Variants in ITIH1 observed in about 807,000 individuals in gnomAD.
The protein encoded by ITIH1 is inter-alpha-trypsin inhibitor heavy chain H1.
Under a neutral mutation model 104.6 loss-of-function variants are expected in ITIH1, and 94 were observed. That is an observed-to-expected ratio of 0.90 (90% confidence interval 0.76 to 1.07). ITIH1 has a LOEUF of 1.07. ITIH1 is among the 50% of genes least tolerant of loss of function. The probability of loss-of-function intolerance (pLI) is 0.00; values close to 1 mark genes in which losing one functional copy is unlikely to be tolerated. For synonymous variants in ITIH1, 455 were observed against 464.4 expected (o/e 0.98, Z 0.26); for missense variants, 1,193 against 1,181.4 (o/e 1.01, Z -0.14).
rs1197705365 is a variant in ITIH1, at chr3:52,779,122, G to C, written c.410+76G>C. 3 of 1,072,978 alleles carry C rather than the reference G, an allele frequency of 2.8e-6. No homozygotes were observed. The African/African-American group carries it at 4.6e-5, about 17-fold the overall frequency. 66.5% of individuals were successfully genotyped at this position (1,072,978 alleles called of 1,614,324 possible). Reference sequence around the variant, plus strand: ...GGACAGGTCTGATGGCTGCAAGGTGGCTTTAGTGGAGAACAGCCCAGGATG... The same window carrying C: ...GGACAGGTCTGATGGCTGCAAGGTGCCTTTAGTGGAGAACAGCCCAGGATG... On this transcript the variant is annotated intron_variant, in intron 4 of 21. Coordinates refer to ENST00000273283, the MANE Select transcript of ITIH1 (RefSeq NM_002215.4). This position sits in a 1 kb window ranked among gnomAD's most constrained non-coding sequence, Gnocchi z 4.4.
Position 52,789,790 on chromosome 3 carries a change from C to T in ITIH1, c.2257C>T (p.Leu753=). ...QLEVTPQNIT[L]NPGFGGPVFS... is the part of the protein sequence containing the mutation. ...GGAAGTGACTCCTCAGAACATTACGCTGAACCCCGGCTTTGGTGGGCCTGT... is the reference window on the plus strand; with the variant it reads ...GGAAGTGACTCCTCAGAACATTACGTTGAACCCCGGCTTTGGTGGGCCTGT... Residue 753 remains leucine, a synonymous_variant, in exon 19 of 22, where the codon CTG becomes TTG. Coordinates refer to ENST00000273283, the MANE Select transcript of ITIH1 (RefSeq NM_002215.4). The T allele has an allele frequency of 6.2e-7, 1 of 1,614,258 alleles. No homozygotes were observed. The highest frequency in any genetic ancestry group is 8.5e-7 in the Non-Finnish European group (1 of 1,180,038).
At position 52,788,474 on chromosome 3, in the gene ITIH1, C is replaced by G; in HGVS notation, c.2119+129C>G. On this transcript the variant is annotated intron_variant, in intron 18 of 21. Coordinates refer to ENST00000273283, the MANE Select transcript of ITIH1 (RefSeq NM_002215.4). ...TGGGCACCATCCACCTGGCTGGGCT[C>G]TGCCCGCTGCCTTCCCACGCCATCC... The G allele has an allele frequency of 4.5e-6, 3 of 662,094 alleles. No homozygotes were observed. In the South Asian group the frequency reaches 5.6e-5, roughly 12 times the overall value. 41.0% of individuals were successfully genotyped at this position (662,094 alleles called of 1,614,324 possible).
intron 15 of ITIH1, 72 bp from the exon 16 acceptor site, chr3:52,787,520 A>C: frequency 3.6e-5 from 57 of 1,570,174 alleles, no homozygotes; most frequent in Non-Finnish European, 4.6e-5. Flanking sequence ...TGTTGTGGAC[A>C]GAGCTGCATG....
chr3:52,779,844 G>A lies in ITIH1; in HGVS notation c.573+250G>A, dbSNP rs375799176. The A allele has an allele frequency of 4.9e-5, 65 of 1,332,352 alleles. No homozygotes were observed. Among genetic ancestry groups the A allele is most frequent in the East Asian group, 1.1e-4 (4 of 37,484 alleles). The allele number at this position is 1,332,352 out of a possible 1,614,324, so 82.5% of individuals were successfully genotyped here. ...GGGGGTTTCTGTGAGTCCCAGGACCGCCACAGGGATCACGAGAAGTACTGA... is the reference window on the plus strand; with the variant it reads ...GGGGGTTTCTGTGAGTCCCAGGACCACCACAGGGATCACGAGAAGTACTGA... On this transcript the variant is annotated intron_variant, in intron 5 of 21. Coordinates refer to ENST00000273283, the MANE Select transcript of ITIH1 (RefSeq NM_002215.4). The surrounding 1 kb of genome is among the most constrained non-coding windows in gnomAD (Gnocchi z 4.4).
Position 52,779,190 on chromosome 3 carries a change from G to T in ITIH1, c.410+144G>T. ...CTGCCCAAACCCAGATGCCAGCACG[G>T]TGCACTGAACAGGCTGCCGTGCAGT... On this transcript the variant is annotated intron_variant, in intron 4 of 21. Coordinates refer to ENST00000273283, the MANE Select transcript of ITIH1 (RefSeq NM_002215.4). The surrounding 1 kb of genome is among the most constrained non-coding windows in gnomAD (Gnocchi z 4.4). 1 of 746,548 alleles carries T rather than the reference G, an allele frequency of 1.3e-6. No individual in the cohort carries two copies. Among genetic ancestry groups the T allele is most frequent in the Non-Finnish European group, 2.3e-6 (1 of 425,768 alleles). The allele number at this position is 746,548 out of a possible 1,614,324, so 46.2% of individuals were successfully genotyped here. A position where few individuals can be genotyped will look rare whatever the true frequency, so the allele number is the denominator to read the frequency against.
rs778779349 is a variant in ITIH1 at position 52,791,509 on chromosome 3, C to G, written c.2495-8C>G. ...ATGGTAACCGCTGTCTCCAATGTGC[C>G]TTTCTAGGGCAATTTTTCCACCCCA... On this transcript the variant is annotated splice_region_variant and splice_polypyrimidine_tract_variant and intron_variant, in intron 20 of 21. Coordinates refer to ENST00000273283, the MANE Select transcript of ITIH1 (RefSeq NM_002215.4). The G allele has an allele frequency of 1.2e-6, 2 of 1,612,198 alleles. No homozygotes were observed. Among genetic ancestry groups the G allele is most frequent in the Non-Finnish European group, 1.7e-6 (2 of 1,178,494 alleles).
chr3:52,778,866 C>T, intron 3 of ITIH1, 76 bp from the exon 4 acceptor site: 1 of 1,191,680 alleles, frequency 8.4e-7, no homozygotes, highest in South Asian at 1.2e-5. Flanking sequence ...TCCAAGGGCT[C>T]ACATGGACAG....
At chr3:52,781,269 T>TTCTTCTTCTTCTTCC (rs1699046791) in intron 6 of ITIH1, among the ~76,000 whole-genome samples, 11 of 134,788 alleles carry the variant, frequency 8.2e-5, no homozygotes, top group African/African-American at 3.2e-4. Context: ...CTTCTTCTTC[T>TTCTTCTTCTTCTTCC]TCTTCTTCTT....
chr3:52,780,225 T>G (rs964391764), intron 5 of ITIH1, 44 bp from the exon 6 acceptor site: 2 of 1,470,346 alleles, frequency 1.4e-6, no homozygotes, highest in Non-Finnish European at 1.9e-6. Flanking sequence ...CAAAGCAAGA[T>G]CCCATCTTTT....
intron 16 of ITIH1, 183 bp downstream of exon 16, chr3:52,787,795 C>A: frequency 2.2e-6 from 2 of 902,834 alleles, no homozygotes; most frequent in South Asian, 1.4e-5. Flanking sequence ...AGGGGGCCAG[C>A]TAAACATGCC....
intron 6 of ITIH1, among the ~76,000 whole-genome samples, chr3:52,781,525 A>G (rs1313650893): frequency 6.6e-6 from 1 of 151,922 alleles, no homozygotes; most frequent in Non-Finnish European, 1.5e-5. Context: ...ACCAACTCCA[A>G]CCAGACCTCA....
intron 9 of ITIH1, 23 bp downstream of exon 9, chr3:52,783,148 A>AC (rs199729098): frequency 0.08 from 128,565 of 1,613,692 alleles, 5,766 homozygotes; most frequent in Non-Finnish European, 0.091. Flanking sequence ...GTCTCAGGCA[A>AC]CCTTGATGTC....
chr3:52,787,211 T>C lies in ITIH1; in HGVS notation c.1903+9T>C, dbSNP rs372045859. On this transcript the variant is annotated intron_variant, in intron 15 of 21. Transcript: ENST00000273283. ...AGATTCTCCGCCTTTGGGTGAGTTT[T>C]AAATTGCATTAGTTTCAGTTCTGGG... 2.5e-6 allele frequency: 4 copies of C among 1,613,812 alleles called. No homozygotes were observed. The African/African-American group carries it at 5.3e-5, about 22-fold the overall frequency.
Position 52,779,881 on chromosome 3 carries a change from A to G in ITIH1, c.573+287A>G. 1 of 1,388,736 alleles carries G rather than the reference A, an allele frequency of 7.2e-7. No homozygotes were observed. The highest frequency in any genetic ancestry group is 9.3e-7 in the Non-Finnish European group (1 of 1,071,048). The allele number at this position is 1,388,736 out of a possible 1,614,324, so 86.0% of individuals were successfully genotyped here. A position where few individuals can be genotyped will look rare whatever the true frequency, so the allele number is the denominator to read the frequency against. ...ACGAGAAGTACTGAATGTCCAGGTA[A>G]TTTTGTAAACTAGAAAGTCCCGCGC... On this transcript the variant is annotated intron_variant, in intron 5 of 21. Transcript: ENST00000273283. The surrounding 1 kb of genome is among the most constrained non-coding windows in gnomAD (Gnocchi z 4.4).
chr3:52,784,566 G>C (rs1469783016), intron 11 of ITIH1, 89 bp downstream of exon 11: 8 of 1,284,236 alleles, frequency 6.2e-6, no homozygotes, highest in Non-Finnish European at 8.7e-6. Flanking sequence ...TAGAGGAGCA[G>C]ATAAAGCTCT....
intron 20 of ITIH1, 109 bp from the exon 21 acceptor site, chr3:52,791,408 G>GA (rs1418331941): frequency 7.6e-6 from 6 of 790,386 alleles, no homozygotes; most frequent in East Asian, 5.3e-5. Context: ...TCAAGCCCTG[G>GA]AAAAAAAGCG....
intron 3 of ITIH1, 122 bp downstream of exon 3, chr3:52,778,628 G>T: frequency 6.6e-7 from 1 of 1,508,540 alleles, no homozygotes. Flanking sequence ...AAGGGCCACA[G>T]ACCAGCCCTG....
At chr3:52,782,917 C>T in intron 8 of ITIH1, 40 bp from the exon 9 acceptor site, 1 of 1,605,338 alleles carries the variant, frequency 6.2e-7, no homozygotes, top group Non-Finnish European at 8.5e-7. Flanking sequence ...TGGGGCCACC[C>T]TGGGGCCCTG....
rs375958861 is a variant in ITIH1 at position 52,790,724 on chromosome 3, C to T, written c.2322-25C>T. ...GAGGGATGCAGTGCAGCCGCACCTG[C>T]CCTCTCGGCCACCTGGCTCTGCAGG... On this transcript the variant is annotated intron_variant, in intron 19 of 21. Coordinates refer to ENST00000273283, the MANE Select transcript of ITIH1 (RefSeq NM_002215.4). The T allele has an allele frequency of 1.1e-5, 17 of 1,606,604 alleles. No homozygotes were observed. In the African/African-American group the frequency reaches 2.0e-4, roughly 19 times the overall value.
Sources: gnomAD v4.1 joint callset for allele counts (sites outside exome capture counted in the v4.1 genomes callset) on GRCh38, gnomAD v4.1.1 for gene constraint, Gnocchi (gnomAD v3.1) non-coding constraint, MANE v1.5 for transcripts, NCBI Gene and HGNC (gene_info 2026-07-23, HGNC 2026-07-21) for gene names.